EOGT: variants seen among roughly 807,000 people sequenced by gnomAD.
The protein encoded by EOGT is EGF domain specific O-linked N-acetylglucosamine transferase.
Under a neutral mutation model 70.5 loss-of-function variants are expected in EOGT, and 55 were observed. The ratio of observed to expected loss-of-function variants is 0.78; its 90% CI spans 0.63 to 0.98. EOGT has a LOEUF of 0.98. EOGT is among the 50% of genes least tolerant of loss of function. The pLI, the probability that EOGT is intolerant of heterozygous loss-of-function variation, is 0.00. For missense variants in EOGT, 703 were observed against 641.9 expected, an observed-to-expected ratio of 1.10 and a Z score of -1.03; for synonymous variants, 246 against 217.1, an observed-to-expected ratio of 1.13 and a Z score of -1.17.
Position 68,988,499 on chromosome 3 carries a change from TG to T in EOGT, c.996+6del. The T allele has an allele frequency of 6.5e-7, 1 of 1,528,658 alleles. No homozygotes were observed. The highest frequency in any genetic ancestry group is 8.8e-7 in the Non-Finnish European group (1 of 1,140,674). The allele number at this position is 1,528,658 out of a possible 1,614,324, so 94.7% of individuals were successfully genotyped here. Reference sequence around the variant, plus strand: ...ATATGAATGCTAATGGTAGACAATGTGCTTACCAGAGGAGTATTATAGAACA... The same window carrying T: ...ATATGAATGCTAATGGTAGACAATGTCTTACCAGAGGAGTATTATAGAACA... On this transcript the variant is annotated splice_donor_region_variant and intron_variant, in intron 12 of 17. Transcript: ENST00000383701.
At chr3:68,988,605 A>G (rs899875055) in intron 11 of EOGT, 28 bp from the exon 12 acceptor site, 5 of 1,415,642 alleles carry the variant, frequency 3.5e-6, no homozygotes, top group Admixed American at 4.5e-5. Context: ...TTAAAAGAAG[A>G]TGTAATTTGC....
intron 8 of EOGT, among the ~76,000 whole-genome samples, chr3:69,002,228 G>T (rs2091315064): frequency 6.6e-6 from 1 of 152,146 alleles, no homozygotes; most frequent in Admixed American, 6.5e-5. Flanking sequence ...TCTAGAGATG[G>T]CTACAGCCCT....
At chr3:68,998,189 C>G in intron 9 of EOGT, 75 bp from the exon 10 acceptor site, 1 of 784,742 alleles carries the variant, frequency 1.3e-6, no homozygotes, top group East Asian at 2.6e-5. Context: ...TCTATCCCAT[C>G]TATTTACAGT....
Position 69,005,241 on chromosome 3 carries a change from G to A in EOGT, c.421-7C>T, listed in dbSNP as rs770810315. 48 of 1,533,954 alleles carry A rather than the reference G, an allele frequency of 3.1e-5. No individual in the cohort carries two copies. Among genetic ancestry groups the A allele is most frequent in the Non-Finnish European group, 4.0e-5 (45 of 1,113,746 alleles). On this transcript the variant is annotated splice_polypyrimidine_tract_variant and splice_region_variant and intron_variant, in intron 6 of 17. Transcript: ENST00000383701. ...ACACCAGACTTGAGTCACTCTGAAGGTTGAGCAAAAGAAAAGAATGACTCT... is the reference window on the plus strand; with the variant it reads ...ACACCAGACTTGAGTCACTCTGAAGATTGAGCAAAAGAAAAGAATGACTCT...
intron 6 of EOGT, among the ~76,000 whole-genome samples, chr3:69,007,124 A>G (rs2107379688): frequency 6.6e-6 from 1 of 152,278 alleles, no homozygotes; most frequent in African/African-American, 2.4e-5. Flanking sequence ...TGTTTGGGGG[A>G]ATGATTCTAA....
intron 7 of EOGT, 74 bp from the exon 8 acceptor site, chr3:69,004,556 G>A: frequency 1.1e-6 from 1 of 931,550 alleles, no homozygotes; most frequent in Non-Finnish European, 1.7e-6. Flanking sequence ...TGTAACTAAA[G>A]TGGATTACCA....
chr3:69,005,584 GA>G (rs1466228172), intron 6 of EOGT, among the ~76,000 whole-genome samples: 1 of 152,100 alleles, frequency 6.6e-6, no homozygotes, highest in Non-Finnish European at 1.5e-5. Context: ...ACAGCTATAT[GA>G]AAAAGCAGCT....
At chr3:68,985,509 T>C (rs895044524) in intron 14 of EOGT, among the ~76,000 whole-genome samples, 1 of 152,202 alleles carries the variant, frequency 6.6e-6, no homozygotes, top group African/African-American at 2.4e-5. Context: ...TTTCCACTTA[T>C]CTGCTCAAGT....
At chr3:68,985,212 C>T (rs1040162600) in intron 14 of EOGT, among the ~76,000 whole-genome samples, 12 of 152,180 alleles carry the variant, frequency 7.9e-5, no homozygotes, top group African/African-American at 2.7e-4. Context: ...GTATTCCCAA[C>T]ATTGCACTAT....
chr3:69,009,839 A>T lies in EOGT; in HGVS notation c.8T>A (p.Met3Lys). 1 of 1,613,796 alleles carries T rather than the reference A, an allele frequency of 6.2e-7. No homozygotes were observed. The highest frequency in any genetic ancestry group is 8.5e-7 in the Non-Finnish European group (1 of 1,179,874). Residue 3 changes from methionine (M) to lysine (K), a missense_variant, in exon 4 of 18, where the codon ATG (methionine) becomes AAG (lysine). Physicochemically the swap from Met to Lys is moderately conservative, Grantham distance 95 (BLOSUM62 -1). Coordinates refer to ENST00000383701, the MANE Select transcript of EOGT (RefSeq NM_001278689.2). The stretch of plus-strand genomic sequence containing the variant: ...AAGTAAGACTCCAAAGACAAACAAC[A>T]TTAACATAGCAACCTGCAAACCTAG... Reference protein sequence around the residue: MLMLFVFGVLLHE... With the variant: MLKLFVFGVLLHE...
At chr3:68,993,564 T>C (rs948293658) in intron 10 of EOGT, among the ~76,000 whole-genome samples, 3 of 152,174 alleles carry the variant, frequency 2.0e-5, no homozygotes, top group Non-Finnish European at 4.4e-5. Flanking sequence ...TTTCCTGTCG[T>C]CTTCTGAGCC....
chr3:69,012,174 G>A (rs2091592504), intron 2 of EOGT, among the ~76,000 whole-genome samples, 183 bp from the exon 3 acceptor site: 1 of 152,154 alleles, frequency 6.6e-6, no homozygotes, highest in African/African-American at 2.4e-5. Context: ...CTATACTCGA[G>A]TTCACAGGCA....
chr3:68,994,444 C>A (rs2091088116), intron 10 of EOGT, among the ~76,000 whole-genome samples: 1 of 152,170 alleles, frequency 6.6e-6, no homozygotes. Flanking sequence ...AAAAACTTCA[C>A]ATACTTCTGT....
chr3:68,989,343 A>C (rs1002104352), intron 10 of EOGT, among the ~76,000 whole-genome samples: 4 of 152,182 alleles, frequency 2.6e-5, no homozygotes, highest in Non-Finnish European at 5.9e-5. Context: ...AGATACACAC[A>C]ACACACACTA....
intron 2 of EOGT, 23 bp from the exon 3 acceptor site, chr3:69,012,014 C>T (rs975635635): frequency 2.4e-4 from 36 of 152,160 alleles, no homozygotes; most frequent in Non-Finnish European, 3.7e-4. Flanking sequence ...AAACATATTA[C>T]CTTAAAAGGA....
At chr3:68,982,725 G>T in intron 15 of EOGT, 86 bp downstream of exon 15, 1 of 892,842 alleles carries the variant, frequency 1.1e-6, no homozygotes, top group South Asian at 1.8e-5. Context: ...AATGCCAATG[G>T]CTCCCACTGG....
intron 15 of EOGT, among the ~76,000 whole-genome samples, chr3:68,981,314 G>T: frequency 6.6e-6 from 1 of 152,142 alleles, no homozygotes; most frequent in South Asian, 2.1e-4. Flanking sequence ...CCAGCTCATG[G>T]GTCCCCAATA....
chr3:69,008,466 C>A lies in EOGT; in HGVS notation c.273G>T (p.Arg91Ser). 6.2e-7 allele frequency: 1 copy of A among 1,614,118 alleles called. No homozygotes were observed. The highest frequency in any genetic ancestry group is 8.5e-7 in the Non-Finnish European group (1 of 1,180,004). ...GYEKSCKPEF[R>S]FGYPVCSYVD... ...CATAGCTGCAAACTGGGTAACCAAA[C>A]CTGAACTCTGGTTTGCAGGATTTCT... The change falls in exon 5 of 18, where the codon AGG becomes AGT. Residue 91 changes from arginine (R) to serine (S), a missense_variant. By Grantham distance (110) the Arg-to-Ser change is moderately radical (BLOSUM62 -1). Coordinates refer to ENST00000383701, the MANE Select transcript of EOGT (RefSeq NM_001278689.2).
rs533478589 is a variant in EOGT, at chr3:69,007,484, T to C, written c.420+229A>G. ...CCTGGCAACATGGCGAAACCCCACC[T>C]TTACTAAAAATATAAAAATTAGCGG... On this transcript the variant is annotated intron_variant, in intron 6 of 17. Coordinates refer to ENST00000383701, the MANE Select transcript of EOGT (RefSeq NM_001278689.2). Among the ~76,000 whole-genome samples the C allele has an allele frequency of 1.3e-4, 14 of 110,422 alleles. 1 individual carries two copies. In the South Asian group the frequency reaches 3.6e-3, roughly 29 times the overall value. 72.4% of individuals were successfully genotyped at this position (110,422 alleles called of 152,430 possible).
Sources: allele counts gnomAD v4.1 joint callset (sites outside exome capture counted in the v4.1 genomes callset), GRCh38; gene constraint gnomAD v4.1.1; transcripts MANE v1.5; gene names NCBI Gene and HGNC (gene_info 2026-07-23, HGNC 2026-07-21).